HCN1: variants seen among roughly 807,000 people sequenced by gnomAD.
HCN1 encodes the protein hyperpolarization activated cyclic nucleotide gated potassium channel 1.
A neutral mutation model predicts 78.9 loss-of-function variants in HCN1; 13 were observed. That is an observed-to-expected ratio of 0.16 (90% CI 0.11 to 0.26). HCN1 has a LOEUF of 0.26. Ranked by LOEUF, HCN1 falls within the 10% of genes least tolerant of loss-of-function variation. The pLI, the probability that HCN1 is intolerant of heterozygous loss-of-function variation, is 1.00. For missense variants in HCN1, 810 were observed against 1,154.3 expected (o/e 0.70, Z 4.32); for synonymous variants, 552 against 455.5 (o/e 1.21, Z -2.70).
intron 2 of HCN1, among the ~76,000 whole-genome samples, chr5:45,511,311 C>T (rs1397656800): frequency 3.9e-5 from 6 of 151,954 alleles, no homozygotes; most frequent in East Asian, 1.9e-4. Flanking sequence ...AAATAAGTTA[C>T]GTAGGTACAC....
Position 45,482,013 on chromosome 5 carries a change from G to T in HCN1, c.850-20006C>A, listed in dbSNP as rs558320254. Among the ~76,000 whole-genome samples, 188 of 152,248 alleles carry T rather than the reference G, an allele frequency of 1.2e-3. 1 individual carries two copies. Among genetic ancestry groups the T allele is most frequent in the African/African-American group, 4.4e-3 (183 of 41,554 alleles). Reference sequence around the variant, plus strand: ...AACAAATGTAGTTGGGTATGTGATAGGTGTTCAGTAAATGATCTTGGTGAG... The same window carrying T: ...AACAAATGTAGTTGGGTATGTGATATGTGTTCAGTAAATGATCTTGGTGAG... On this transcript the variant is annotated intron_variant, in intron 2 of 7. Coordinates refer to ENST00000303230, the MANE Select transcript of HCN1 (RefSeq NM_021072.4).
At position 45,261,857 on chromosome 5, in the gene HCN1, A is replaced by G; in HGVS notation, c.*64T>C. On this transcript the variant is annotated 3_prime_UTR_variant, in exon 8 of 8. Coordinates refer to ENST00000303230, the MANE Select transcript of HCN1 (RefSeq NM_021072.4). ...GGGATCTATCAGGAGATAGAATAAA[A>G]TAAGATCTGAGTATAGTCTCAGTTT... The G allele has an allele frequency of 1.3e-6, 2 of 1,599,418 alleles. No homozygotes were observed. The highest frequency in any genetic ancestry group is 1.7e-6 in the Non-Finnish European group (2 of 1,169,066).
In HCN1 at chr5:45,367,763, C is replaced by A. The variant is rs550446169; in HGVS notation, c.1231-14517G>T. Among the ~76,000 whole-genome samples the A allele has an allele frequency of 1.6e-4, 24 of 151,938 alleles. No homozygotes were observed. The South Asian group carries it at 3.3e-3, about 21-fold the overall frequency. On this transcript the variant is annotated intron_variant, in intron 4 of 7. Coordinates refer to ENST00000303230, the MANE Select transcript of HCN1 (RefSeq NM_021072.4). ...CTAACTACAATAAAGTCAAAACTAC[C>A]TTATTAAAATTAGAACCATTCATCA...
intron 3 of HCN1, among the ~76,000 whole-genome samples, chr5:45,438,047 A>G (rs1436302895): frequency 6.6e-6 from 1 of 152,218 alleles, no homozygotes; most frequent in Admixed American, 6.5e-5. Context: ...AAGGTGACCT[A>G]ATCTCATAAG....
At chr5:45,634,040 C>T (rs1018652477) in intron 2 of HCN1, among the ~76,000 whole-genome samples, 10 of 151,990 alleles carry the variant, frequency 6.6e-5, no homozygotes, top group Non-Finnish European at 8.8e-5. Flanking sequence ...TCATCTTTGA[C>T]ATTAGGCAAA....
At chr5:45,547,352 G>T (rs911374159) in intron 2 of HCN1, among the ~76,000 whole-genome samples, 1 of 151,872 alleles carries the variant, frequency 6.6e-6, no homozygotes, top group Non-Finnish European at 1.5e-5. Flanking sequence ...TCTGATTTTT[G>T]CTCTATTCAA....
At chr5:45,492,575 C>G (rs1287288829) in intron 2 of HCN1, among the ~76,000 whole-genome samples, 1 of 138,266 alleles carries the variant, frequency 7.2e-6, no homozygotes, top group East Asian at 2.1e-4. Flanking sequence ...GGCTGGCACT[C>G]ACTGCAACCT....
intron 6 of HCN1, among the ~76,000 whole-genome samples, chr5:45,292,582 G>T (rs1181764618): frequency 1.3e-5 from 2 of 151,740 alleles, no homozygotes; most frequent in African/African-American, 2.4e-5. Flanking sequence ...AAATCATCTG[G>T]TATGTTTCAT....
intron 2 of HCN1, among the ~76,000 whole-genome samples, chr5:45,467,658 T>G (rs1273774449): frequency 6.6e-6 from 1 of 151,986 alleles, no homozygotes; most frequent in African/African-American, 2.4e-5. Context: ...ATTTCCCTAT[T>G]CCTAACAACA....
chr5:45,376,338 T>TTATA (rs201682954), intron 4 of HCN1, among the ~76,000 whole-genome samples: 23 of 98,690 alleles, frequency 2.3e-4, no homozygotes, highest in Non-Finnish European at 3.0e-4. Context: ...ATAACATATA[T>TTATA]TATATATATA....
intron 4 of HCN1, among the ~76,000 whole-genome samples, chr5:45,374,326 TTATATACATTA>T (rs1460794332): frequency 8.6e-5 from 12 of 139,306 alleles, no homozygotes; most frequent in African/African-American, 2.9e-4. Context: ...ATTATATACA[TTATATACATTA>T]TATATATATA....
At chr5:45,540,326 A>G (rs1035361323) in intron 2 of HCN1, among the ~76,000 whole-genome samples, 1 of 143,694 alleles carries the variant, frequency 7.0e-6, no homozygotes, top group Admixed American at 7.0e-5. Flanking sequence ...TATTTTACTG[A>G]TTTTTTTTTT....
intron 2 of HCN1, among the ~76,000 whole-genome samples, chr5:45,549,398 A>G (rs954708951): frequency 2.6e-5 from 4 of 152,184 alleles, no homozygotes; most frequent in Non-Finnish European, 4.4e-5. Context: ...AAATGGGGAA[A>G]AGATTCCCTA....
At chr5:45,632,763 AT>A (rs1745290565) in intron 2 of HCN1, among the ~76,000 whole-genome samples, 1 of 152,028 alleles carries the variant, frequency 6.6e-6, no homozygotes, top group South Asian at 2.1e-4. Context: ...GAATCTATCA[AT>A]ACATGGATTC....
At chr5:45,686,980 A>T (rs761018355) in intron 1 of HCN1, among the ~76,000 whole-genome samples, 8 of 150,326 alleles carry the variant, frequency 5.3e-5, no homozygotes, top group Non-Finnish European at 1.0e-4. Flanking sequence ...TTTCTAAGAA[A>T]GGGTACATGG....
intron 1 of HCN1, among the ~76,000 whole-genome samples, chr5:45,683,128 A>T (rs1008802224): frequency 1.5e-5 from 2 of 137,578 alleles, no homozygotes; most frequent in African/African-American, 2.7e-5. Flanking sequence ...TTATAAATTA[A>T]TTTTTTTATT....
intron 3 of HCN1, among the ~76,000 whole-genome samples, chr5:45,405,189 A>T (rs1473855626): frequency 6.6e-6 from 1 of 152,160 alleles, no homozygotes; most frequent in Non-Finnish European, 1.5e-5. Context: ...TGGAAATGCC[A>T]ATCAGATAGA....
At chr5:45,385,352 C>T (rs184842362) in intron 4 of HCN1, among the ~76,000 whole-genome samples, 2 of 151,536 alleles carry the variant, frequency 1.3e-5, no homozygotes, top group African/African-American at 2.4e-5. Context: ...GGTAGTCATT[C>T]GATTTTTTTT....
intron 1 of HCN1, among the ~76,000 whole-genome samples, chr5:45,673,744 A>G (rs553992885): frequency 2.6e-5 from 4 of 151,718 alleles, no homozygotes; most frequent in Non-Finnish European, 4.4e-5. Context: ...CAATTAACTG[A>G]TAAGACATTT....
Sources: gnomAD v4.1 joint callset for allele counts (sites outside exome capture counted in the v4.1 genomes callset) on GRCh38, gnomAD v4.1.1 for gene constraint, MANE v1.5 for transcripts, NCBI Gene and HGNC (gene_info 2026-07-23, HGNC 2026-07-21) for gene names.